DSCAM: variants seen among roughly 807,000 people sequenced by gnomAD.
The protein encoded by DSCAM is DS cell adhesion molecule, also known as cell adhesion molecule DSCAM.
In DSCAM, 47 loss-of-function variants were observed where a neutral mutation model predicts 217.7. That is an observed-to-expected ratio of 0.22 (90% CI 0.17 to 0.28). The LOEUF is 0.28. DSCAM is among the 10% of genes least tolerant of loss of function. DSCAM has a pLI of 1.00. For synonymous variants in DSCAM, 1,056 were observed against 1,015.3 expected, an observed-to-expected ratio of 1.04 and a Z score of -0.76; for missense variants, 2,080 against 2,618.3, an observed-to-expected ratio of 0.79 and a Z score of 4.49.
chr21:40,093,521 TTG>T lies in DSCAM; in HGVS notation c.3850+198_3850+199del, dbSNP rs549238970. Among the ~76,000 whole-genome samples the T allele has an allele frequency of 3.9e-3, 597 of 152,308 alleles. 4 individuals carry two copies. The highest frequency in any genetic ancestry group is 0.014 in the African/African-American group (573 of 41,566). ...ATTGTAAGGCCACTCATTCTCAGCT[TTG>T]TGTTTACCTCCAGGGAATTACTTTT... is the stretch of plus-strand genomic sequence containing the variant. On this transcript the variant is annotated intron_variant, in intron 21 of 32. Transcript: ENST00000400454.
chr21:40,281,399 C>A (rs527989731), intron 10 of DSCAM, among the ~76,000 whole-genome samples: 2 of 152,134 alleles, frequency 1.3e-5, no homozygotes, highest in South Asian at 4.2e-4. Flanking sequence ...CTTTCCCATT[C>A]CACAAGAATA....
intron 8 of DSCAM, among the ~76,000 whole-genome samples, chr21:40,326,083 G>A (rs2074313844): frequency 6.6e-6 from 1 of 152,098 alleles, no homozygotes; most frequent in South Asian, 2.1e-4. Flanking sequence ...AATATATTAA[G>A]TACACATAAG....
chr21:40,050,773 T>A (rs2088918207), intron 30 of DSCAM, among the ~76,000 whole-genome samples: 4 of 152,174 alleles, frequency 2.6e-5, no homozygotes. Context: ...GCGCCCAGTC[T>A]GGATCATTTT....
chr21:40,559,786 C>CTTTTTTTTTTTTTTTTTT (rs548599799), intron 3 of DSCAM, among the ~76,000 whole-genome samples: 2 of 109,410 alleles, frequency 1.8e-5, no homozygotes, highest in Non-Finnish European at 1.8e-5. Flanking sequence ...AATTTTCTGT[C>CTTTTTTTTTTTTTTTTTT]TTTTTTTTTT....
At chr21:40,067,742 T>TTCCCTCCCTCCC (rs763376801) in intron 27 of DSCAM, among the ~76,000 whole-genome samples, 12 of 39,832 alleles carry the variant, frequency 3.0e-4, no homozygotes, top group African/African-American at 3.9e-4. Flanking sequence ...CCTCCCCTCA[T>TTCCCTCCCTCCC]TCCCTCCCTC....
intron 11 of DSCAM, among the ~76,000 whole-genome samples, chr21:40,227,018 C>T (rs2091339272): frequency 6.6e-6 from 1 of 152,080 alleles, no homozygotes; most frequent in Non-Finnish European, 1.5e-5. Flanking sequence ...TCTGTCCCTC[C>T]GTTAGTTTGC....
intron 8 of DSCAM, among the ~76,000 whole-genome samples, chr21:40,320,151 T>C (rs1251737103): frequency 6.6e-6 from 1 of 152,026 alleles, no homozygotes; most frequent in Non-Finnish European, 1.5e-5. Context: ...CACATTTACC[T>C]ATGTGACAAA....
At chr21:40,115,723 G>C (rs971645050) in intron 20 of DSCAM, among the ~76,000 whole-genome samples, 1 of 152,152 alleles carries the variant, frequency 6.6e-6, no homozygotes. Context: ...AATTAGTTCA[G>C]GCATTGTGGA....
chr21:40,604,690 C>A (rs1461266553), intron 3 of DSCAM, among the ~76,000 whole-genome samples: 2 of 152,142 alleles, frequency 1.3e-5, no homozygotes, highest in African/African-American at 4.8e-5. Flanking sequence ...ATAGAGGCTG[C>A]ATCTTGCAGC....
intron 1 of DSCAM, among the ~76,000 whole-genome samples, chr21:40,830,334 G>A (rs1292445914): frequency 4.4e-5 from 3 of 68,924 alleles, no homozygotes; most frequent in East Asian, 5.2e-4. Flanking sequence ...TCCCTATCAT[G>A]AAGCACAGCG....
chr21:40,231,731 G>A (rs1402323985), intron 11 of DSCAM, among the ~76,000 whole-genome samples: 3 of 152,014 alleles, frequency 2.0e-5, no homozygotes, highest in Non-Finnish European at 4.4e-5. Flanking sequence ...TGGAACTCCT[G>A]GGCTCAAGTG....
chr21:40,554,775 GA>G (rs2076658002), intron 3 of DSCAM, among the ~76,000 whole-genome samples: 1 of 152,102 alleles, frequency 6.6e-6, no homozygotes, highest in South Asian at 2.1e-4. Context: ...CCTTCTGGAG[GA>G]TACTAAGTGT....
chr21:40,601,981 T>G (rs1003693739), intron 3 of DSCAM, among the ~76,000 whole-genome samples: 13 of 152,196 alleles, frequency 8.5e-5, no homozygotes, highest in African/African-American at 2.9e-4. Flanking sequence ...TCTTGTGATG[T>G]CTTTATCTGT....
At chr21:40,726,046 C>T (rs371639051) in intron 1 of DSCAM, among the ~76,000 whole-genome samples, 12 of 152,046 alleles carry the variant, frequency 7.9e-5, no homozygotes, top group Admixed American at 3.9e-4. Context: ...TAACTGTGAA[C>T]GATAACAGAA....
intron 20 of DSCAM, among the ~76,000 whole-genome samples, chr21:40,095,536 G>A (rs1199061031): frequency 6.6e-6 from 1 of 152,190 alleles, no homozygotes; most frequent in African/African-American, 2.4e-5. Context: ...TCAGGGGCAG[G>A]GTAGGGGAAG....
At chr21:40,014,919 A>G (rs1209993077) in intron 32 of DSCAM, among the ~76,000 whole-genome samples, 3 of 152,128 alleles carry the variant, frequency 2.0e-5, no homozygotes, top group Admixed American at 6.5e-5. Flanking sequence ...ATAGCATTTG[A>G]TGCCGTTGAT....
At chr21:40,378,282 CA>C (rs1196524422) in intron 3 of DSCAM, among the ~76,000 whole-genome samples, 1 of 152,114 alleles carries the variant, frequency 6.6e-6, no homozygotes, top group African/African-American at 2.4e-5. Flanking sequence ...AGATTCTTTT[CA>C]TACAGGAGAT....
At chr21:40,411,175 T>TACACACACAC (rs902494368) in intron 3 of DSCAM, among the ~76,000 whole-genome samples, 1 of 45,104 alleles carries the variant, frequency 2.2e-5, no homozygotes, top group East Asian at 6.2e-4. Context: ...AGTAATTATA[T>TACACACACAC]ACACACACAC....
intron 11 of DSCAM, chr21:40,212,424 A>G (rs997801713): frequency 1.3e-5 from 2 of 154,214 alleles, no homozygotes; most frequent in African/African-American, 2.4e-5. Context: ...CAATCTAAAC[A>G]CCATGGCAGC....
Sources: gnomAD v4.1 joint callset for allele counts (sites outside exome capture counted in the v4.1 genomes callset) on GRCh38, gnomAD v4.1.1 for gene constraint, MANE v1.5 for transcripts, NCBI Gene and HGNC (gene_info 2026-07-23, HGNC 2026-07-21) for gene names.